Variants in CELF5 observed in about 807,000 individuals in gnomAD.
CELF5 encodes CUG-BP and ETR-3 like factor 5.
CELF5 carries 6 observed loss-of-function variants against 54.9 expected under a neutral mutation model. The ratio of observed to expected loss-of-function variants is 0.11; its 90% confidence interval spans 0.06 to 0.22. CELF5 has a LOEUF of 0.22. Ranked by LOEUF, CELF5 falls within the 10% of genes least tolerant of loss-of-function variation. The probability of loss-of-function intolerance (pLI) is 1.00; values close to 1 mark genes in which losing one functional copy is unlikely to be tolerated. For synonymous variants in CELF5, 271 were observed against 290.9 expected (o/e 0.93, Z 0.70); for missense variants, 401 against 678.6 (o/e 0.59, Z 4.54).
chr19:3,282,335 C>G lies in CELF5; in HGVS notation c.893-17C>G. 2 of 1,608,488 alleles carry G rather than the reference C, an allele frequency of 1.2e-6. No homozygotes were observed. The highest frequency in any genetic ancestry group is 1.7e-6 in the Non-Finnish European group (2 of 1,179,778). The stretch of plus-strand genomic sequence containing the variant: ...GAGCCAGAACTGGCCTCCCCATGAC[C>G]CTCTTCCGCTCTGCAGGGCTGCACT... On this transcript the variant is annotated splice_polypyrimidine_tract_variant and intron_variant, in intron 7 of 12. Transcript: ENST00000292672. This position sits in a 1 kb window ranked among gnomAD's most constrained non-coding sequence, Gnocchi z 5.2.
intron 11 of CELF5, among the ~76,000 whole-genome samples, chr19:3,291,733 G>C (rs1245304220): frequency 1.3e-5 from 2 of 151,732 alleles, no homozygotes; most frequent in Admixed American, 6.6e-5. Context: ...CATGTGGCTG[G>C]AGCAGAGTGA....
At chr19:3,235,618 ATAGG>A (rs1917528877) in intron 1 of CELF5, among the ~76,000 whole-genome samples, 1 of 137,380 alleles carries the variant, frequency 7.3e-6, no homozygotes, top group Non-Finnish European at 1.6e-5. Flanking sequence ...GGGTGGATGA[ATAGG>A]TGGGTGGGTG....
At chr19:3,266,957 C>T (rs1034788719) in intron 2 of CELF5, among the ~76,000 whole-genome samples, 10 of 152,196 alleles carry the variant, frequency 6.6e-5, no homozygotes, top group East Asian at 1.9e-4. Context: ...TGCCTGCACA[C>T]GCCCGCACGA....
chr19:3,252,263 T>C (rs1034436845), intron 2 of CELF5, among the ~76,000 whole-genome samples: 2 of 151,000 alleles, frequency 1.3e-5, no homozygotes, highest in African/African-American at 2.4e-5. Context: ...CCTGAACTCC[T>C]GGCTCAAGCG....
intron 1 of CELF5, among the ~76,000 whole-genome samples, chr19:3,245,468 A>T (rs2079554451): frequency 6.7e-6 from 1 of 149,966 alleles, no homozygotes; most frequent in African/African-American, 2.5e-5. Flanking sequence ...GAGCTCCCAG[A>T]CCCTGGGGCT....
intron 2 of CELF5, among the ~76,000 whole-genome samples, chr19:3,261,497 A>C (rs893431649): frequency 1.3e-5 from 2 of 152,012 alleles, no homozygotes; most frequent in African/African-American, 2.4e-5. Context: ...GTATGGAAAA[A>C]TTGGATTGGA....
Position 3,285,982 on chromosome 19 carries a change from C to A in CELF5, c.1143C>A (p.Ser381Arg), listed in dbSNP as rs758405642. The change falls in exon 10 of 13, where the codon AGC becomes AGA. Residue 381 changes from serine (S) to arginine (R), a missense_variant. Transcript: ENST00000292672. ...CGGCCATCACGCCCATCGCGCACAG[C>A]GTCCCCCAGCCGCCGCCCCTCCTGC... ...PTAAITPIAH[S>R]VPQPPPLLQQ... 1 of 1,586,188 alleles carries A rather than the reference C, an allele frequency of 6.3e-7. No individual in the cohort carries two copies. Among genetic ancestry groups the A allele is most frequent in the Admixed American group, 1.7e-5 (1 of 57,718 alleles).
rs557552130 is a variant in CELF5, at chr19:3,282,503, ATTGGGG to A, written c.1039+7_1039+12del. 3.6e-4 allele frequency: 575 copies of A among 1,609,914 alleles called. 3 individuals are homozygous for A. In the South Asian group the frequency reaches 5.8e-3, roughly 16 times the overall value. On this transcript the variant is annotated splice_donor_region_variant and intron_variant, in intron 8 of 12. Coordinates refer to ENST00000292672, the MANE Select transcript of CELF5 (RefSeq NM_021938.4). The surrounding 1 kb of genome is among the most constrained non-coding windows in gnomAD (Gnocchi z 5.2). ...ATGGCCTTGTGCCCTACCCAGGTAA[ATTGGGG>A]TCGTCCTCTGGGGCCTAGGAGAGTG...
chr19:3,246,536 T>TCTAATTA (rs941221349), intron 1 of CELF5, among the ~76,000 whole-genome samples: 3 of 151,754 alleles, frequency 2.0e-5, no homozygotes, highest in African/African-American at 4.8e-5. Context: ...AGACCCCATC[T>TCTAATTA]CTAATAATAA....
At chr19:3,280,230 G>T (rs907517673) in intron 5 of CELF5, among the ~76,000 whole-genome samples, 2 of 152,088 alleles carry the variant, frequency 1.3e-5, no homozygotes, top group Non-Finnish European at 2.9e-5. Context: ...GCTACTGTCC[G>T]CTGTCCACTG....
chr19:3,296,469 G>GAAAAAAAAAAAGAAAAAAAAAAAA (rs1329387351), intron 12 of CELF5: 1 of 73,710 alleles, frequency 1.4e-5, no homozygotes, highest in Non-Finnish European at 2.8e-5. Flanking sequence ...AAAGAAAAAA[G>GAAAAAAAAAAAGAAAAAAAAAAAA]AAAAAAAAAT....
Position 3,278,421 on chromosome 19 carries a change from ATG to A in CELF5, c.603+322_603+323del, listed in dbSNP as rs770017532. On this transcript the variant is annotated intron_variant, in intron 5 of 12. Coordinates refer to ENST00000292672, the MANE Select transcript of CELF5 (RefSeq NM_021938.4). This position sits in a 1 kb window ranked among gnomAD's most constrained non-coding sequence, Gnocchi z 4.5. Reference sequence around the variant, plus strand: ...TGTGAGTGTGCCCGAGACTGCATGCATGTGTGTGTGTGAGTGCGTGTTTGAGT... The same window carrying A: ...TGTGAGTGTGCCCGAGACTGCATGCATGTGTGTGTGAGTGCGTGTTTGAGT... 2.6e-4 allele frequency among the ~76,000 whole-genome samples: 40 copies of A among 151,214 alleles called. No individual in the cohort carries two copies. The highest frequency in any genetic ancestry group is 4.6e-4 in the African/African-American group (19 of 41,028).
At chr19:3,226,985 G>A (rs1240663668) in intron 1 of CELF5, among the ~76,000 whole-genome samples, 2 of 152,018 alleles carry the variant, frequency 1.3e-5, no homozygotes, top group Admixed American at 6.6e-5. Flanking sequence ...TCCCATTTGC[G>A]GGCTTTCCTT....
At chr19:3,258,435 C>T (rs974891417) in intron 2 of CELF5, among the ~76,000 whole-genome samples, 1 of 151,176 alleles carries the variant, frequency 6.6e-6, no homozygotes, top group Non-Finnish European at 1.5e-5. Context: ...GTCTGTGTCC[C>T]TTTGCTTTTC....
Position 3,225,582 on chromosome 19 carries a change from G to A in CELF5, c.259+584G>A, listed in dbSNP as rs951555262. ...CCAGGCCGGCGGGGCAGGTCCGGCC[G>A]CGGGGGACACGGATGCCCAGGACCC... On this transcript the variant is annotated intron_variant, in intron 1 of 12. Transcript: ENST00000292672. 1.5e-3 allele frequency: 1,483 copies of A among 981,800 alleles called. 1 individual carries two copies. The highest frequency in any genetic ancestry group is 1.7e-3 in the Non-Finnish European group (1,407 of 828,314). The allele number at this position is 981,800 out of a possible 1,614,324, so 60.8% of individuals were successfully genotyped here. A position where few individuals can be genotyped will look rare whatever the true frequency, so the allele number is the denominator to read the frequency against.
intron 12 of CELF5, 90 bp downstream of exon 12, chr19:3,293,576 C>A: frequency 1.7e-6 from 2 of 1,147,216 alleles, no homozygotes; most frequent in Non-Finnish European, 2.4e-6. Flanking sequence ...CAAACCCTCC[C>A]CAGGTGGGGT....
At chr19:3,244,057 A>G (rs2145032303) in intron 1 of CELF5, among the ~76,000 whole-genome samples, 1 of 152,206 alleles carries the variant, frequency 6.6e-6, no homozygotes, top group South Asian at 2.1e-4. Context: ...CATTCAGCCC[A>G]TAACAGGAAC....
chr19:3,271,948 C>A (rs565053466), intron 2 of CELF5, among the ~76,000 whole-genome samples: 1 of 152,240 alleles, frequency 6.6e-6, no homozygotes, highest in South Asian at 2.1e-4. Context: ...CTTCACTCAC[C>A]ATGGCCTTAC....
chr19:3,263,964 C>T (rs935821052), intron 2 of CELF5, among the ~76,000 whole-genome samples: 1 of 152,136 alleles, frequency 6.6e-6, no homozygotes. Flanking sequence ...CAGAAAAGTG[C>T]ATGAAACATA....
Sources: gnomAD v4.1 joint callset for allele counts (sites outside exome capture counted in the v4.1 genomes callset) on GRCh38, gnomAD v4.1.1 for gene constraint, Gnocchi (gnomAD v3.1) non-coding constraint, MANE v1.5 for transcripts, NCBI Gene and HGNC (gene_info 2026-07-23, HGNC 2026-07-21) for gene names.